The following MIR2052HG variants were observed in gnomAD, a reference collection of about 807,000 sequenced individuals.
The protein encoded by MIR2052HG is MIR2052 host gene.
chr8:74,675,119 T>C (rs1045956400), intron 2 of MIR2052HG, among the ~76,000 whole-genome samples: 20 of 151,982 alleles, frequency 1.3e-4, no homozygotes, highest in African/African-American at 4.8e-4. Flanking sequence ...GGGGATGCAG[T>C]GGTGAATAAG....
At chr8:74,665,164 T>G (rs1808908464) in intron 2 of MIR2052HG, among the ~76,000 whole-genome samples, 1 of 152,330 alleles carries the variant, frequency 6.6e-6, no homozygotes, top group Non-Finnish European at 1.5e-5. Flanking sequence ...ACCGCCATAT[T>G]TTTAATCTCT....
intron 4 of MIR2052HG, among the ~76,000 whole-genome samples, chr8:74,721,603 C>T (rs1809578878): frequency 6.6e-6 from 1 of 152,272 alleles, no homozygotes; most frequent in South Asian, 2.1e-4. Flanking sequence ...CTCTATGAGG[C>T]CTCTTTCTCC....
At chr8:74,691,929 T>C (rs1214490070) in intron 2 of MIR2052HG, among the ~76,000 whole-genome samples, 1 of 152,202 alleles carries the variant, frequency 6.6e-6, no homozygotes, top group Non-Finnish European at 1.5e-5. Context: ...ATTTATGCCA[T>C]CAGTAGTTGT....
intron 4 of MIR2052HG, among the ~76,000 whole-genome samples, chr8:74,740,147 T>C (rs1809810830): frequency 6.6e-6 from 1 of 152,238 alleles, no homozygotes; most frequent in Non-Finnish European, 1.5e-5. Context: ...ATTTTTATTC[T>C]TTTTCATTAA....
chr8:74,717,270 T>A (rs978968633), intron 4 of MIR2052HG, among the ~76,000 whole-genome samples: 1 of 152,138 alleles, frequency 6.6e-6, no homozygotes, highest in Non-Finnish European at 1.5e-5. Context: ...GGTTTTCTGT[T>A]CCTGTGTTAG....
At position 74,626,758 on chromosome 8, in the gene MIR2052HG, C is replaced by T. The variant is rs187398522; in HGVS notation, n.216+13818C>T. Among the ~76,000 whole-genome samples the T allele has an allele frequency of 4.6e-5, 7 of 152,296 alleles. No homozygotes were observed. In the East Asian group the frequency reaches 7.7e-4, roughly 17 times the overall value. ...GACAGGCCAAGGTGAAAGTCCCCAT[C>T]GTTTCATACCTGGACATCCCTACAT... On this transcript the variant is annotated intron_variant and non_coding_transcript_variant, in intron 2 of 6. Coordinates refer to ENST00000523442, the Ensembl canonical transcript of MIR2052HG.
chr8:74,623,626 A>G (rs1367296175), intron 2 of MIR2052HG, among the ~76,000 whole-genome samples: 1 of 152,238 alleles, frequency 6.6e-6, no homozygotes, highest in Admixed American at 6.5e-5. Context: ...AGGTACTAAC[A>G]TAAAACTTGT....
chr8:74,746,567 A>AGTGTGTGTGT (rs72103010), intron 4 of MIR2052HG, among the ~76,000 whole-genome samples: 5,175 of 147,568 alleles, frequency 0.035, 167 homozygotes, highest in African/African-American at 0.076. Flanking sequence ...GAGGAGAAGA[A>AGTGTGTGTGT]GTGTGTGTGT....
At chr8:74,628,985 A>G (rs1322136235) in intron 2 of MIR2052HG, 1 of 152,116 alleles carries the variant, frequency 6.6e-6, no homozygotes, top group Non-Finnish European at 1.5e-5. Flanking sequence ...CTTGAAAAAA[A>G]TTGTGAAGGC....
intron 2 of MIR2052HG, among the ~76,000 whole-genome samples, chr8:74,651,262 G>C (rs1169249974): frequency 1.3e-5 from 2 of 150,958 alleles, no homozygotes; most frequent in African/African-American, 4.9e-5. Context: ...TCAAATTATT[G>C]ACAATTTTTG....
chr8:74,697,527 A>G (rs1344249119), intron 2 of MIR2052HG, among the ~76,000 whole-genome samples: 2 of 152,178 alleles, frequency 1.3e-5, no homozygotes, highest in Non-Finnish European at 2.9e-5. Context: ...GCAAAGAGGG[A>G]GTCAAACTGT....
rs570085825 is a variant in MIR2052HG, at chr8:74,731,845, T to TGA, written n.372-20596_372-20595insGA. ...GTAACTCTGGGCATACTCCACATTC[T>TGA]ATTGCCTTTCAGAAGCATATGGGCC... On this transcript the variant is annotated intron_variant and non_coding_transcript_variant, in intron 4 of 6. Coordinates refer to ENST00000523442, the Ensembl canonical transcript of MIR2052HG. Among the ~76,000 whole-genome samples, 549 of 152,272 alleles carry TGA rather than the reference T, an allele frequency of 3.6e-3. 3 individuals are homozygous for TGA. The highest frequency in any genetic ancestry group is 0.013 in the African/African-American group (530 of 41,556).
intron 1 of MIR2052HG, among the ~76,000 whole-genome samples, chr8:74,600,221 G>A (rs966872118): frequency 6.6e-6 from 1 of 151,914 alleles, no homozygotes; most frequent in Non-Finnish European, 1.5e-5. Context: ...GTAGACTGGA[G>A]CTGTTCCTAT....
chr8:74,673,774 AG>A (rs1163576195), intron 2 of MIR2052HG, among the ~76,000 whole-genome samples: 1 of 151,404 alleles, frequency 6.6e-6, no homozygotes, highest in African/African-American at 2.4e-5. Flanking sequence ...CAGAGTGTCT[AG>A]TTCTTTATCT....
chr8:74,627,091 CATAT>C (rs1808447316), intron 2 of MIR2052HG, among the ~76,000 whole-genome samples: 1 of 152,224 alleles, frequency 6.6e-6, no homozygotes, highest in Non-Finnish European at 1.5e-5. Context: ...GTCTCCAACA[CATAT>C]TCACCTTTCA....
intron 4 of MIR2052HG, among the ~76,000 whole-genome samples, chr8:74,729,449 A>G (rs1809668852): frequency 6.6e-6 from 1 of 152,200 alleles, no homozygotes; most frequent in South Asian, 2.1e-4. Context: ...CAGCTGTAAG[A>G]CCTTCTCCTG....
chr8:74,693,362 G>C (rs2128740106), intron 2 of MIR2052HG, among the ~76,000 whole-genome samples: 1 of 152,268 alleles, frequency 6.6e-6, no homozygotes, highest in South Asian at 2.1e-4. Context: ...AGACCACAGG[G>C]AGAAGGAAAC....
intron 5 of MIR2052HG, among the ~76,000 whole-genome samples, chr8:74,755,320 G>A (rs2128757115): frequency 6.6e-6 from 1 of 152,288 alleles, no homozygotes; most frequent in Non-Finnish European, 1.5e-5. Flanking sequence ...GTGTGTATTG[G>A]CAGAGTTGAA....
intron 4 of MIR2052HG, among the ~76,000 whole-genome samples, chr8:74,730,976 G>T (rs1298915205): frequency 6.6e-6 from 1 of 152,140 alleles, no homozygotes; most frequent in Admixed American, 6.6e-5. Context: ...AATAGAAATG[G>T]CACACAATGT....
Sources: gnomAD v4.1 joint callset for allele counts (sites outside exome capture counted in the v4.1 genomes callset) on GRCh38, gnomAD v4.1.1 for gene constraint, MANE v1.5 for transcripts, NCBI Gene and HGNC (gene_info 2026-07-23, HGNC 2026-07-21) for gene names.